SAMD3: variants seen among roughly 807,000 people sequenced by gnomAD.
The protein encoded by SAMD3 is sterile alpha motif domain-containing protein 3.
A neutral mutation model predicts 58.5 loss-of-function variants in SAMD3; 63 were observed. The ratio of observed to expected loss-of-function variants is 1.08; its 90% confidence interval spans 0.88 to 1.33. The LOEUF is 1.33. SAMD3 is among the 40% of genes most tolerant of loss of function. SAMD3 has a pLI of 0.00. For missense variants in SAMD3, 604 were observed against 608.4 expected (o/e 0.99, Z 0.08); for synonymous variants, 220 against 210.3 (o/e 1.05, Z -0.40).
At chr6:130,293,448 T>C (rs1775450647) in intron 2 of SAMD3, among the ~76,000 whole-genome samples, 1 of 152,106 alleles carries the variant, frequency 6.6e-6, no homozygotes, top group Non-Finnish European at 1.5e-5. Context: ...ATTGCCTCTT[T>C]CCTTTAGACA....
intron 1 of SAMD3, among the ~76,000 whole-genome samples, chr6:130,314,217 T>C (rs182569287): frequency 1.3e-5 from 2 of 152,348 alleles, no homozygotes; most frequent in East Asian, 3.9e-4. Flanking sequence ...TCTTTTCATG[T>C]TTCTTTTGTT....
chr6:130,239,319 G>C (rs1028630442), intron 2 of SAMD3, among the ~76,000 whole-genome samples: 1 of 152,276 alleles, frequency 6.6e-6, no homozygotes, highest in East Asian at 1.9e-4. Context: ...CGAAAGATGA[G>C]TAAACTGTAA....
chr6:130,273,937 A>T (rs1441057549), intron 2 of SAMD3, among the ~76,000 whole-genome samples: 1 of 134,246 alleles, frequency 7.4e-6, no homozygotes, highest in Non-Finnish European at 1.5e-5. Context: ...TTTACACACC[A>T]TCATTACAGT....
At chr6:130,254,908 T>G (rs1411870976) in intron 2 of SAMD3, among the ~76,000 whole-genome samples, 1 of 152,224 alleles carries the variant, frequency 6.6e-6, no homozygotes, top group Non-Finnish European at 1.5e-5. Context: ...ATTTTATATC[T>G]TTCTTCTTTT....
chr6:130,212,444 C>T (rs1214439221), intron 4 of SAMD3, among the ~76,000 whole-genome samples: 1 of 152,172 alleles, frequency 6.6e-6, no homozygotes, highest in African/African-American at 2.4e-5. Context: ...ATGTTTGAAA[C>T]TAGTTAACCC....
At chr6:130,197,714 G>A (rs1794273001) in intron 5 of SAMD3, among the ~76,000 whole-genome samples, 1 of 152,082 alleles carries the variant, frequency 6.6e-6, no homozygotes, top group South Asian at 2.1e-4. Context: ...GCAGCCCTGA[G>A]AAACATCGCC....
intron 3 of SAMD3, among the ~76,000 whole-genome samples, chr6:130,214,808 T>C (rs1446713986): frequency 6.6e-6 from 1 of 152,146 alleles, no homozygotes; most frequent in Non-Finnish European, 1.5e-5. Context: ...GTATTGTTTT[T>C]ATAAGGAAAA....
At chr6:130,227,241 G>C (rs1001739990), upstream of SAMD3, among the ~76,000 whole-genome samples, 1 of 151,994 alleles carries the variant, frequency 6.6e-6, no homozygotes, top group African/African-American at 2.4e-5. Context: ...TTTTGTATCT[G>C]GATTATTTCT....
chr6:130,287,253 A>G (rs536300213), intron 2 of SAMD3, among the ~76,000 whole-genome samples: 5 of 152,342 alleles, frequency 3.3e-5, no homozygotes, highest in Admixed American at 3.3e-4. Context: ...CTTGTTGCTT[A>G]TAACAATCAC....
rs187927663 is a variant in SAMD3, at chr6:130,331,550, G to A, written c.-303-18457C>T. Among the ~76,000 whole-genome samples the A allele has an allele frequency of 4.2e-3, 633 of 152,046 alleles. 4 individuals carry two copies. Among genetic ancestry groups the A allele is most frequent in the Non-Finnish European group, 7.2e-3 (489 of 67,976 alleles). Reference sequence around the variant, plus strand: ...AGCCTGACCAACATGGTGAAACCCCGTCTCTACTAAAAAAATACAAAAATT... The same window carrying A: ...AGCCTGACCAACATGGTGAAACCCCATCTCTACTAAAAAAATACAAAAATT... On this transcript the variant is annotated intron_variant, in intron 1 of 13. Coordinates refer to the SAMD3 transcript ENST00000368134.
intron 8 of SAMD3, among the ~76,000 whole-genome samples, chr6:130,173,856 G>C (rs1445076377): frequency 6.6e-6 from 1 of 152,266 alleles, no homozygotes; most frequent in Non-Finnish European, 1.5e-5. Flanking sequence ...GTAAGCCCCT[G>C]AGTGGGGCTG....
chr6:130,314,153 TA>T lies in SAMD3; in HGVS notation c.-303-1061del, dbSNP rs1202555983. Among the ~76,000 whole-genome samples, 3 of 152,336 alleles carry T rather than the reference TA, an allele frequency of 2.0e-5. No homozygotes were observed. The East Asian group carries it at 5.8e-4, about 29-fold the overall frequency. On this transcript the variant is annotated intron_variant, in intron 1 of 13. Transcript: ENST00000368134. Reference sequence around the variant, plus strand: ...TAAAATATGTACACTGGAGAGGTGTTATTAATGGTTTTGGTTAAAGAAAAAA... The same window carrying T: ...TAAAATATGTACACTGGAGAGGTGTTTTAATGGTTTTGGTTAAAGAAAAAA...
chr6:130,143,890 T>A (rs568580724), downstream of SAMD3: 2 of 152,624 alleles, frequency 1.3e-5, no homozygotes, highest in African/African-American at 4.8e-5. Flanking sequence ...TGAGTCACTG[T>A]GTTTCCAAGG....
chr6:130,147,754 A>T (rs1788765106), intron 9 of SAMD3, among the ~76,000 whole-genome samples: 1 of 152,236 alleles, frequency 6.6e-6, no homozygotes, highest in South Asian at 2.1e-4. Context: ...GATCTAATCC[A>T]GGATCCCATA....
At chr6:130,257,746 T>C (rs1034084957) in intron 2 of SAMD3, among the ~76,000 whole-genome samples, 1 of 152,192 alleles carries the variant, frequency 6.6e-6, no homozygotes, top group Non-Finnish European at 1.5e-5. Flanking sequence ...TACAACTTGA[T>C]GAATTTAATA....
chr6:130,343,866 G>A (rs377409828), intron 1 of SAMD3, among the ~76,000 whole-genome samples: 73 of 152,264 alleles, frequency 4.8e-4, no homozygotes, highest in African/African-American at 1.6e-3. Flanking sequence ...TTGGGAGGCC[G>A]AGGCGGGAGA....
At chr6:130,349,189 A>G (rs1410594980) in intron 1 of SAMD3, among the ~76,000 whole-genome samples, 1 of 152,226 alleles carries the variant, frequency 6.6e-6, no homozygotes, top group Non-Finnish European at 1.5e-5. Flanking sequence ...AAGAGCAAAC[A>G]CATTCAAAAG....
intron 5 of SAMD3, among the ~76,000 whole-genome samples, chr6:130,205,940 A>G (rs1452449083): frequency 6.6e-6 from 1 of 152,160 alleles, no homozygotes; most frequent in African/African-American, 2.4e-5. Context: ...TTGACTGAAT[A>G]GTGCCCTAGG....
chr6:130,300,858 C>G (rs571932086), intron 2 of SAMD3, among the ~76,000 whole-genome samples: 1 of 152,094 alleles, frequency 6.6e-6, no homozygotes, highest in African/African-American at 2.4e-5. Flanking sequence ...TCTAGGGTAC[C>G]TGTGCACAAC....
Sources: gnomAD v4.1 joint callset for allele counts (sites outside exome capture counted in the v4.1 genomes callset) on GRCh38, gnomAD v4.1.1 for gene constraint, MANE v1.5 for transcripts, NCBI Gene and HGNC (gene_info 2026-07-23, HGNC 2026-07-21) for gene names.